Variants in DYSF observed in about 807,000 individuals in gnomAD.
DYSF encodes the protein dystrophy-associated fer-1-like 1.
In DYSF, 212 loss-of-function variants were observed where a neutral mutation model predicts 274.9. That is an observed-to-expected ratio of 0.77 (90% confidence interval 0.69 to 0.86). DYSF has a LOEUF of 0.86. DYSF is among the 40% of genes least tolerant of loss of function. The probability of loss-of-function intolerance (pLI) is 0.00; values close to 1 mark genes in which losing one functional copy is unlikely to be tolerated. For missense variants in DYSF, 2,666 were observed against 2,783.2 expected (o/e 0.96, Z 0.95); for synonymous variants, 1,091 against 1,078.7 (o/e 1.01, Z -0.22).
At position 71,520,178 on chromosome 2, in the gene DYSF, A is replaced by T. The variant is rs758185573; in HGVS notation, c.1003A>T (p.Met335Leu). 1.2e-6 allele frequency: 2 copies of T among 1,614,206 alleles called. No individual in the cohort carries two copies. The highest frequency in any genetic ancestry group is 8.5e-7 in the Non-Finnish European group (1 of 1,180,046). The part of the protein sequence containing the change: ...RTDALLGEFR[M>L]DVGTIYREPR... ...TTGTGTCTCCTCTCATTGATTGCAG[A>T]TGGACGTGGGCACCATTTACAGAGA... The change falls in exon 11 of 56, where the codon ATG becomes TTG. Residue 335 changes from methionine to leucine, a missense_variant and splice_region_variant. Transcript: ENST00000410020.
chr2:71,658,822 C>G, intron 43 of DYSF, 56 bp from the exon 44 acceptor site: 1 of 1,609,724 alleles, frequency 6.2e-7, no homozygotes, highest in African/African-American at 1.3e-5. Flanking sequence ...GGGGACACAG[C>G]CAAACCATAT....
At chr2:71,508,568 G>A (rs940945084) in intron 4 of DYSF, among the ~76,000 whole-genome samples, 1 of 152,116 alleles carries the variant, frequency 6.6e-6, no homozygotes, top group Non-Finnish European at 1.5e-5. Context: ...CCCCACATTG[G>A]TTTTGTCTGA....
chr2:71,457,947 G>T (rs1352217071), intron 1 of DYSF, among the ~76,000 whole-genome samples: 1 of 152,176 alleles, frequency 6.6e-6, no homozygotes, highest in Non-Finnish European at 1.5e-5. Context: ...GTGAAAGTTG[G>T]GCGGGGGGCT....
chr2:71,643,555 A>C (rs998833834), intron 41 of DYSF, among the ~76,000 whole-genome samples: 3 of 152,170 alleles, frequency 2.0e-5, no homozygotes, highest in Admixed American at 1.3e-4. Flanking sequence ...TTTTGTTCAT[A>C]AATAATACAT....
rs764363043 is a variant in DYSF, at chr2:71,568,378, G to T, written c.2864+40G>T. 8 of 1,610,188 alleles carry T rather than the reference G, an allele frequency of 5.0e-6. No individual in the cohort carries two copies. In the South Asian group the frequency reaches 8.8e-5, roughly 18 times the overall value. On this transcript the variant is annotated intron_variant, in intron 26 of 55. Transcript: ENST00000410020. ...GGGAGGGCTGGGGAGAGCCAGGCCA[G>T]GCTGCCCACCATGGACTGCACCCTC...
chr2:71,459,708 G>A (rs772696551), intron 1 of DYSF, among the ~76,000 whole-genome samples: 6 of 152,204 alleles, frequency 3.9e-5, no homozygotes, highest in Admixed American at 3.9e-4. Context: ...GAGAACACCA[G>A]TGACCGCTTC....
chr2:71,573,990 C>G (rs1007802977), intron 29 of DYSF, among the ~76,000 whole-genome samples: 15 of 152,208 alleles, frequency 9.9e-5, no homozygotes, highest in African/African-American at 3.1e-4. Context: ...GCCTGGCCTC[C>G]CCTCCTGATT....
chr2:71,661,322 TATC>T (rs1376657878), intron 45 of DYSF, among the ~76,000 whole-genome samples: 2 of 152,092 alleles, frequency 1.3e-5, no homozygotes, highest in Non-Finnish European at 1.5e-5. Flanking sequence ...CCCCCACTGG[TATC>T]ATCTTACCTA....
chr2:71,622,740 T>A (rs1574427301), intron 41 of DYSF, among the ~76,000 whole-genome samples: 1 of 152,134 alleles, frequency 6.6e-6, no homozygotes, highest in African/African-American at 2.4e-5. Flanking sequence ...CTCAGCCTCC[T>A]GAGTAGCTGG....
intron 4 of DYSF, among the ~76,000 whole-genome samples, chr2:71,505,094 G>C (rs915808275): frequency 6.6e-6 from 1 of 152,244 alleles, no homozygotes; most frequent in Non-Finnish European, 1.5e-5. Context: ...GAGTTGGGGA[G>C]CCTCCTCCCT....
In DYSF at chr2:71,681,342, T is replaced by C. The variant is rs60240006; in HGVS notation, c.6173+232T>C. The stretch of plus-strand genomic sequence containing the variant: ...GCAGGTGCTATTGGGTACCTGTTGG[T>C]TGTGTGCCAAGCATGCTATCCTATG... On this transcript the variant is annotated intron_variant, in intron 54 of 55. Coordinates refer to ENST00000410020, the MANE Select transcript of DYSF (RefSeq NM_001130987.2). Among the ~76,000 whole-genome samples, 2,033 of 152,296 alleles carry C rather than the reference T, an allele frequency of 0.013. 190 individuals are homozygous for C. In the East Asian group the frequency reaches 0.25, roughly 19 times the overall value.
At chr2:71,511,964 C>T in intron 5 of DYSF, 43 bp downstream of exon 5, 1 of 1,251,738 alleles carries the variant, frequency 8.0e-7, no homozygotes, top group South Asian at 1.3e-5. Context: ...AGCAAGAAGG[C>T]CGGCAGTGGC....
Position 71,560,595 on chromosome 2 carries a change from C to A in DYSF, c.2217-1157C>A, listed in dbSNP as rs138390008. Among the ~76,000 whole-genome samples, 1,208 of 152,302 alleles carry A rather than the reference C, an allele frequency of 7.9e-3. 16 individuals are homozygous for A. The highest frequency in any genetic ancestry group is 0.028 in the African/African-American group (1,144 of 41,554). On this transcript the variant is annotated intron_variant, in intron 22 of 55. Transcript: ENST00000410020. ...AGATGGAGTTTGCGTACTGCTCCCC[C>A]CATCCTAAAAATTCAATTAAAAAAA...
intron 12 of DYSF, among the ~76,000 whole-genome samples, chr2:71,523,879 G>A (rs1302089592): frequency 3.3e-5 from 5 of 152,074 alleles, no homozygotes; most frequent in East Asian, 3.9e-4. Flanking sequence ...GTAGAATCAC[G>A]CGTGTCTCCT....
upstream of DYSF, chr2:71,466,693 T>C (rs1019649672): frequency 1.2e-5 from 17 of 1,376,562 alleles, no homozygotes; most frequent in Admixed American, 3.7e-4. Flanking sequence ...CTCCCAGGCA[T>C]TGGTCACTTC....
chr2:71,563,627 C>T (rs190938322), intron 23 of DYSF, among the ~76,000 whole-genome samples: 7 of 152,264 alleles, frequency 4.6e-5, no homozygotes, highest in Non-Finnish European at 7.4e-5. Context: ...GATCTGTTCC[C>T]GCTCTTGGGG....
chr2:71,544,670 A>G (rs1241136951), intron 17 of DYSF, among the ~76,000 whole-genome samples: 1 of 152,100 alleles, frequency 6.6e-6, no homozygotes, highest in Non-Finnish European at 1.5e-5. Flanking sequence ...CATGTGGGCC[A>G]GGCTGGTCTC....
chr2:71,663,816 G>A (rs1253509332), intron 45 of DYSF, among the ~76,000 whole-genome samples: 2 of 152,082 alleles, frequency 1.3e-5, no homozygotes, highest in African/African-American at 4.8e-5. Context: ...CAAAGCTCTG[G>A]CCCCTTGCTC....
intron 1 of DYSF, among the ~76,000 whole-genome samples, chr2:71,456,014 G>A (rs1356274271): frequency 6.6e-6 from 1 of 152,192 alleles, no homozygotes; most frequent in African/African-American, 2.4e-5. Context: ...TGCTGCTGGT[G>A]TGGCTTTTCT....
Sources: allele counts gnomAD v4.1 joint callset (sites outside exome capture counted in the v4.1 genomes callset), GRCh38; gene constraint gnomAD v4.1.1; transcripts MANE v1.5; gene names NCBI Gene and HGNC (gene_info 2026-07-23, HGNC 2026-07-21).